The following UXS1 variants were observed in gnomAD, a reference collection of about 807,000 sequenced individuals.
UXS1 encodes the protein UDP-glucuronic acid decarboxylase 1.
In UXS1, 33 loss-of-function variants were observed where a neutral mutation model predicts 62.6. The ratio of observed to expected loss-of-function variants is 0.53; its 90% CI spans 0.40 to 0.70. The LOEUF is 0.70. Among genes scored for constraint, UXS1 ranks in the 30% least tolerant of loss-of-function variants. UXS1 has a pLI of 0.00. For missense variants in UXS1, 434 were observed against 556.3 expected (o/e 0.78, Z 2.21); for synonymous variants, 213 against 206.8 (o/e 1.03, Z -0.26).
chr2:106,181,563 CA>C (rs1177639277), intron 1 of UXS1, among the ~76,000 whole-genome samples: 1 of 151,864 alleles, frequency 6.6e-6, no homozygotes, highest in Non-Finnish European at 1.5e-5. Context: ...AACTAAAATA[CA>C]AAAAACTAGC....
At chr2:106,142,923 ATGTG>A (rs141333004) in intron 6 of UXS1, among the ~76,000 whole-genome samples, 5 of 149,044 alleles carry the variant, frequency 3.4e-5, no homozygotes, top group East Asian at 4.0e-4. Flanking sequence ...GTTTGCATGT[ATGTG>A]TGTGTGTGTG....
In UXS1 at chr2:106,093,483, C is replaced by T. The variant is rs1676826164; in HGVS notation, c.*543G>A. The T allele has an allele frequency of 6.6e-6, 1 of 151,274 alleles. No homozygotes were observed. The highest frequency in any genetic ancestry group is 2.4e-5 in the African/African-American group (1 of 40,874). 9.4% of individuals were successfully genotyped at this position (151,274 alleles called of 1,614,324 possible). ...GAATATTTCAAAGTCAAGTTTGCAA[C>T]TCAAAAGTAGACCTTGGAAAAACTC... On this transcript the variant is annotated 3_prime_UTR_variant, in exon 15 of 15. Coordinates refer to ENST00000283148, the MANE Select transcript of UXS1 (RefSeq NM_001253875.2).
intron 1 of UXS1, among the ~76,000 whole-genome samples, chr2:106,190,816 C>T (rs934158744): frequency 1.3e-5 from 2 of 150,490 alleles, no homozygotes; most frequent in Non-Finnish European, 2.9e-5. Flanking sequence ...TACTGTTTGG[C>T]CCTGCAGAAG....
chr2:106,098,824 C>G (rs1309205039), intron 12 of UXS1, 51 bp from the exon 13 acceptor site: 9 of 1,542,210 alleles, frequency 5.8e-6, no homozygotes, highest in Admixed American at 1.8e-5. Flanking sequence ...CAGCAGCAAT[C>G]CACCACCCAG....
intron 10 of UXS1, among the ~76,000 whole-genome samples, chr2:106,105,097 T>G (rs983961423): frequency 1.1e-4 from 17 of 152,156 alleles, no homozygotes; most frequent in African/African-American, 4.1e-4. Flanking sequence ...CTGAAGGAAT[T>G]CGCTTCTGCT....
intron 1 of UXS1, among the ~76,000 whole-genome samples, chr2:106,169,603 C>T (rs542850859): frequency 6.6e-4 from 101 of 152,262 alleles, no homozygotes; most frequent in Non-Finnish European, 1.2e-3. Flanking sequence ...GCAGAAAGAT[C>T]GCTTGAGCCC....
intron 10 of UXS1, among the ~76,000 whole-genome samples, chr2:106,107,412 A>C (rs978089656): frequency 6.6e-6 from 1 of 152,208 alleles, no homozygotes; most frequent in Non-Finnish European, 1.5e-5. Flanking sequence ...CTCAGAGAGG[A>C]GCCATGGAAG....
At chr2:106,158,647 T>C (rs1463820952) in intron 4 of UXS1, among the ~76,000 whole-genome samples, 3 of 152,180 alleles carry the variant, frequency 2.0e-5, no homozygotes, top group South Asian at 2.1e-4. Flanking sequence ...TGTTTCGAGA[T>C]TGAAGCCACA....
Position 106,105,671 on chromosome 2 carries a change from C to A in UXS1, c.880-834G>T, listed in dbSNP as rs548244468. Among the ~76,000 whole-genome samples the A allele has an allele frequency of 2.0e-5, 3 of 152,292 alleles. No individual in the cohort carries two copies. The East Asian group carries it at 5.8e-4, about 29-fold the overall frequency. ...CCCTTTGCCCTGCTGGAGCCCAGCA[C>A]GATGTGAGGTGCGATACCAGCATGG... is the stretch of plus-strand genomic sequence containing the variant. On this transcript the variant is annotated intron_variant, in intron 10 of 14. Transcript: ENST00000283148.
intron 1 of UXS1, among the ~76,000 whole-genome samples, chr2:106,169,582 C>T (rs574121046): frequency 2.3e-4 from 35 of 152,004 alleles, no homozygotes; most frequent in Non-Finnish European, 3.8e-4. Flanking sequence ...AGCTACATGG[C>T]GGGGGCAGAA....
At chr2:106,114,842 A>G (rs954294745) in intron 9 of UXS1, among the ~76,000 whole-genome samples, 3 of 152,228 alleles carry the variant, frequency 2.0e-5, no homozygotes, top group African/African-American at 4.8e-5. Context: ...GTCTACACCA[A>G]TAAGACAAGC....
At chr2:106,164,386 T>C (rs960194727) in intron 3 of UXS1, among the ~76,000 whole-genome samples, 3 of 152,280 alleles carry the variant, frequency 2.0e-5, no homozygotes, top group South Asian at 2.1e-4. Flanking sequence ...TAGCATCCGA[T>C]TGGTGGCCAT....
At chr2:106,189,706 A>G (rs1684799134) in intron 1 of UXS1, among the ~76,000 whole-genome samples, 1 of 152,246 alleles carries the variant, frequency 6.6e-6, no homozygotes, top group African/African-American at 2.4e-5. Context: ...AATCTTCAGA[A>G]AGAGAAGGAC....
At chr2:106,127,771 A>G (rs924239204) in intron 7 of UXS1, among the ~76,000 whole-genome samples, 1 of 152,196 alleles carries the variant, frequency 6.6e-6, no homozygotes, top group Admixed American at 6.5e-5. Flanking sequence ...CAGCCTACCA[A>G]TGGTCTCCCT....
chr2:106,147,170 A>G (rs567226423), intron 5 of UXS1, among the ~76,000 whole-genome samples: 446 of 151,892 alleles, frequency 2.9e-3, no homozygotes, highest in Middle Eastern at 0.01. Flanking sequence ...AAGTCCCCCA[A>G]CTGAGTGGGC....
intron 5 of UXS1, among the ~76,000 whole-genome samples, chr2:106,151,322 C>T (rs1217130942): frequency 6.6e-6 from 1 of 152,170 alleles, no homozygotes; most frequent in Admixed American, 6.5e-5. Context: ...TGTGTACCCC[C>T]AAAATCATGT....
intron 14 of UXS1, among the ~76,000 whole-genome samples, chr2:106,094,880 TG>T (rs1317390042): frequency 6.6e-6 from 1 of 152,204 alleles, no homozygotes; most frequent in African/African-American, 2.4e-5. Context: ...GTTTCACAGG[TG>T]TCAAAATAGA....
intron 9 of UXS1, among the ~76,000 whole-genome samples, chr2:106,118,121 G>T (rs1325224233): frequency 6.6e-6 from 1 of 152,212 alleles, no homozygotes; most frequent in Admixed American, 6.5e-5. Flanking sequence ...GAGTCACAGG[G>T]CCAGGAAGCC....
At chr2:106,095,332 A>AT (rs1335816669) in intron 14 of UXS1, among the ~76,000 whole-genome samples, 1 of 152,170 alleles carries the variant, frequency 6.6e-6, no homozygotes, top group African/African-American at 2.4e-5. Flanking sequence ...GGATTATTCG[A>AT]TTTTGTGAAG....
Sources: gnomAD v4.1 joint callset for allele counts (sites outside exome capture counted in the v4.1 genomes callset) on GRCh38, gnomAD v4.1.1 for gene constraint, MANE v1.5 for transcripts, NCBI Gene and HGNC (gene_info 2026-07-23, HGNC 2026-07-21) for gene names.